The following RNGTT variants were observed in gnomAD, a reference collection of about 807,000 sequenced individuals.
RNGTT encodes RNA guanylyltransferase and 5'-phosphatase.
RNGTT carries 33 observed loss-of-function variants against 79.3 expected under a neutral mutation model. That is an observed-to-expected ratio of 0.42 (90% CI 0.32 to 0.56). RNGTT has a LOEUF of 0.56. RNGTT is among the 20% of genes least tolerant of loss of function. The pLI is 0.17. For missense variants in RNGTT, 497 were observed against 739.1 expected, an observed-to-expected ratio of 0.67 and a Z score of 3.80; for synonymous variants, 222 against 235.9, an observed-to-expected ratio of 0.94 and a Z score of 0.54.
chr6:88,791,775 G>T (rs540191714), intron 12 of RNGTT, among the ~76,000 whole-genome samples: 1 of 152,140 alleles, frequency 6.6e-6, no homozygotes, highest in African/African-American at 2.4e-5. Flanking sequence ...TCCTGACCTC[G>T]TGATCCGCCC....
In RNGTT at chr6:88,844,536, G is replaced by C. The variant is rs1781425923; in HGVS notation, c.1105-15C>G. The C allele has an allele frequency of 6.3e-7, 1 of 1,594,226 alleles. No individual in the cohort carries two copies. On this transcript the variant is annotated splice_polypyrimidine_tract_variant and intron_variant, in intron 10 of 15. Coordinates refer to ENST00000369485, the MANE Select transcript of RNGTT (RefSeq NM_003800.5). ...ACGGGCTGTGACTGAATTAAATAAAGAATTAGTTAAATTTCAACACTAACA... is the reference window on the plus strand; with the variant it reads ...ACGGGCTGTGACTGAATTAAATAAACAATTAGTTAAATTTCAACACTAACA...
intron 7 of RNGTT, among the ~76,000 whole-genome samples, chr6:88,891,467 A>G (rs1179590897): frequency 6.6e-6 from 1 of 152,154 alleles, no homozygotes; most frequent in Non-Finnish European, 1.5e-5. Context: ...TTACAGAAAA[A>G]CTGGAAAATG....
At chr6:88,941,280 T>C (rs1016202483) in intron 1 of RNGTT, 100 bp from the exon 2 acceptor site, 1 of 781,500 alleles carries the variant, frequency 1.3e-6, no homozygotes, top group Non-Finnish European at 2.1e-6. Flanking sequence ...TAAAACCTTT[T>C]TTTTTGAGAC....
chr6:88,735,108 A>G (rs926544580), intron 13 of RNGTT, among the ~76,000 whole-genome samples: 7 of 152,162 alleles, frequency 4.6e-5, no homozygotes, highest in African/African-American at 1.7e-4. Context: ...TTAATGATAA[A>G]CGGGTCAATT....
At chr6:88,774,321 T>A (rs946734733) in intron 12 of RNGTT, among the ~76,000 whole-genome samples, 10 of 151,706 alleles carry the variant, frequency 6.6e-5, no homozygotes, top group Non-Finnish European at 1.2e-4. Context: ...ACACAGAAAC[T>A]AACAAGTGTT....
chr6:88,618,503 T>A (rs1373813406), intron 14 of RNGTT, among the ~76,000 whole-genome samples: 1 of 152,146 alleles, frequency 6.6e-6, no homozygotes, highest in Non-Finnish European at 1.5e-5. Context: ...CAGGACCCCA[T>A]CAGGTCTTCT....
chr6:88,847,870 C>T (rs945571986), intron 10 of RNGTT, among the ~76,000 whole-genome samples: 1 of 151,584 alleles, frequency 6.6e-6, no homozygotes, highest in African/African-American at 2.4e-5. Flanking sequence ...ATAATTGACT[C>T]CTACATATTA....
chr6:88,892,606 G>T (rs979540104), intron 6 of RNGTT, among the ~76,000 whole-genome samples: 2 of 151,826 alleles, frequency 1.3e-5, no homozygotes, highest in Non-Finnish European at 2.9e-5. Context: ...AGCAGACAGA[G>T]AATATCAAAC....
At chr6:88,650,892 G>A (rs1429891140) in intron 14 of RNGTT, among the ~76,000 whole-genome samples, 4 of 152,006 alleles carry the variant, frequency 2.6e-5, no homozygotes, top group Non-Finnish European at 1.5e-5. Context: ...CTTCCAAACA[G>A]GATGCTCTGG....
chr6:88,625,428 C>T (rs1333262927), intron 14 of RNGTT, among the ~76,000 whole-genome samples: 1 of 151,910 alleles, frequency 6.6e-6, no homozygotes, highest in African/African-American at 2.4e-5. Context: ...ATAAATACAA[C>T]AATATGGTTG....
At chr6:88,737,328 G>A (rs1777320912) in intron 13 of RNGTT, among the ~76,000 whole-genome samples, 1 of 152,140 alleles carries the variant, frequency 6.6e-6, no homozygotes, top group Admixed American at 6.6e-5. Context: ...TTTGTCTCAG[G>A]ACGAATCATA....
At chr6:88,790,278 T>C (rs73496502) in intron 12 of RNGTT, among the ~76,000 whole-genome samples, 1 of 152,194 alleles carries the variant, frequency 6.6e-6, no homozygotes, top group African/African-American at 2.4e-5. Flanking sequence ...TGCCAGGGGA[T>C]AAAGGTAAGG....
chr6:88,638,510 G>C (rs1773184126), intron 14 of RNGTT, among the ~76,000 whole-genome samples: 1 of 152,026 alleles, frequency 6.6e-6, no homozygotes. Context: ...TTATCTCTAA[G>C]ACAGAAGGTA....
intron 13 of RNGTT, among the ~76,000 whole-genome samples, chr6:88,766,443 G>T (rs1272671245): frequency 1.3e-5 from 2 of 151,960 alleles, no homozygotes; most frequent in Non-Finnish European, 2.9e-5. Context: ...ACAACAAATA[G>T]CTCTCAGATG....
At chr6:88,719,502 C>T (rs1776632702) in intron 13 of RNGTT, among the ~76,000 whole-genome samples, 3 of 152,186 alleles carry the variant, frequency 2.0e-5, no homozygotes, top group Non-Finnish European at 1.5e-5. Context: ...TTAATACCTG[C>T]ATTCCAAATG....
intron 13 of RNGTT, among the ~76,000 whole-genome samples, chr6:88,690,915 C>T (rs1482649841): frequency 6.6e-6 from 1 of 152,028 alleles, no homozygotes; most frequent in African/African-American, 2.4e-5. Flanking sequence ...TGGTAAGCAC[C>T]TCAAACTGCT....
intron 14 of RNGTT, among the ~76,000 whole-genome samples, chr6:88,617,389 T>C (rs1482511055): frequency 6.6e-6 from 1 of 152,230 alleles, no homozygotes; most frequent in Admixed American, 6.5e-5. Flanking sequence ...TCAACTTCAT[T>C]CTTTTGCATG....
chr6:88,738,759 G>A (rs1205594377), intron 13 of RNGTT, among the ~76,000 whole-genome samples: 1 of 151,878 alleles, frequency 6.6e-6, no homozygotes, highest in East Asian at 1.9e-4. Flanking sequence ...GTGTATATGG[G>A]AACTTTCTGT....
rs562086705 is a variant in RNGTT at position 88,784,381 on chromosome 6, T to C, written c.1339-14507A>G. The stretch of plus-strand genomic sequence containing the variant: ...AAAAATTAATACACGTTAAGTGCTT[T>C]GAGGCCAATGGGAATACTGTGGAGG... On this transcript the variant is annotated intron_variant, in intron 12 of 15. Transcript: ENST00000369485. 3.3e-5 allele frequency among the ~76,000 whole-genome samples: 5 copies of C among 152,216 alleles called. No homozygotes were observed. In the East Asian group the frequency reaches 9.6e-4, roughly 29 times the overall value.
Sources: gnomAD v4.1 joint callset for allele counts (sites outside exome capture counted in the v4.1 genomes callset) on GRCh38, gnomAD v4.1.1 for gene constraint, MANE v1.5 for transcripts, NCBI Gene and HGNC (gene_info 2026-07-23, HGNC 2026-07-21) for gene names.